TUSC3: variants seen among roughly 807,000 people sequenced by gnomAD.
TUSC3 encodes tumor suppressor candidate 3.
In TUSC3, 45 loss-of-function variants were observed where a neutral mutation model predicts 44.8. The ratio of observed to expected loss-of-function variants is 1.00; its 90% CI spans 0.79 to 1.29. TUSC3 has a LOEUF of 1.29. Ranked by LOEUF, TUSC3 falls within the 50% of genes most tolerant of loss-of-function variation. TUSC3 has a pLI of 0.00. For missense variants in TUSC3, 519 were observed against 437.9 expected (o/e 1.19, Z -1.65); for synonymous variants, 212 against 152.9 (o/e 1.39, Z -2.85).
chr8:15,845,666 G>T, the TUSC3 span, among the ~76,000 whole-genome samples: 1 of 152,110 alleles, frequency 6.6e-6, no homozygotes, highest in African/African-American at 2.4e-5. Flanking sequence ...TATTTGCAGG[G>T]TGGGGGCAGT....
intron 2 of TUSC3, among the ~76,000 whole-genome samples, chr8:15,514,547 G>A (rs1194028780): frequency 6.6e-6 from 1 of 152,096 alleles, no homozygotes; most frequent in East Asian, 1.9e-4. Context: ...ACGGAACTCC[G>A]CTTCTTCACA....
intron 1 of TUSC3, among the ~76,000 whole-genome samples, chr8:15,616,937 G>A (rs1004982846): frequency 2.0e-5 from 3 of 152,270 alleles, no homozygotes; most frequent in East Asian, 3.9e-4. Flanking sequence ...CAGCATGGCC[G>A]AGTGGGCAGA....
chr8:15,457,714 A>T (rs1256499308), intron 1 of TUSC3, among the ~76,000 whole-genome samples: 1 of 148,756 alleles, frequency 6.7e-6, no homozygotes, highest in Non-Finnish European at 1.5e-5. Context: ...TTAGATAAAT[A>T]ATAATCTAAT....
At chr8:15,778,166 A>C in the TUSC3 span, among the ~76,000 whole-genome samples, 1 of 152,062 alleles carries the variant, frequency 6.6e-6, no homozygotes, top group Non-Finnish European at 1.5e-5. Flanking sequence ...TTTCCAACTA[A>C]TTAGGAATTA....
At chr8:15,795,682 A>G in the TUSC3 span, among the ~76,000 whole-genome samples, 1 of 152,224 alleles carries the variant, frequency 6.6e-6, no homozygotes, top group African/African-American at 2.4e-5. Context: ...GAAAGAAGGC[A>G]TTGTTTACAT....
At chr8:15,538,468 G>C (rs1019604685), upstream of TUSC3, among the ~76,000 whole-genome samples, 1 of 152,182 alleles carries the variant, frequency 6.6e-6, no homozygotes, top group African/African-American at 2.4e-5. Flanking sequence ...CTTTAACAAA[G>C]GCATCGTAGC....
intron 2 of TUSC3, among the ~76,000 whole-genome samples, chr8:15,485,504 C>T (rs1258436566): frequency 6.7e-6 from 1 of 148,206 alleles, no homozygotes. Flanking sequence ...TTCTTGTCAC[C>T]CAGGCTGGAG....
At chr8:15,469,019 A>T (rs1047601886) in intron 1 of TUSC3, among the ~76,000 whole-genome samples, 3 of 152,100 alleles carry the variant, frequency 2.0e-5, no homozygotes, top group African/African-American at 7.2e-5. Context: ...ATGCCACACA[A>T]ATTCTCTCAG....
At chr8:15,507,721 G>C (rs1801076383) in intron 2 of TUSC3, among the ~76,000 whole-genome samples, 1 of 151,938 alleles carries the variant, frequency 6.6e-6, no homozygotes, top group South Asian at 2.1e-4. Flanking sequence ...GATAGGTATT[G>C]GAAATTCAAC....
At chr8:15,763,900 T>A (rs2129225639) in intron 10 of TUSC3, among the ~76,000 whole-genome samples, 1 of 152,186 alleles carries the variant, frequency 6.6e-6, no homozygotes, top group Non-Finnish European at 1.5e-5. Flanking sequence ...TACATTACCA[T>A]TTTAAATGCT....
chr8:15,549,451 C>G (rs758897931), intron 1 of TUSC3, among the ~76,000 whole-genome samples: 1 of 151,698 alleles, frequency 6.6e-6, no homozygotes, highest in Admixed American at 6.6e-5. Context: ...GGATTACAGG[C>G]GTGAGCCACC....
the TUSC3 span, among the ~76,000 whole-genome samples, chr8:15,774,478 C>T: frequency 6.6e-6 from 1 of 152,132 alleles, no homozygotes; most frequent in African/African-American, 2.4e-5. Flanking sequence ...CACAGATTGC[C>T]AGCAAACCAA....
chr8:15,567,746 T>A (rs1211553864), intron 1 of TUSC3, among the ~76,000 whole-genome samples: 1 of 152,212 alleles, frequency 6.6e-6, no homozygotes, highest in Non-Finnish European at 1.5e-5. Context: ...GGTTGGAATG[T>A]AACAAATGGT....
chr8:15,682,458 C>T (rs1386145807), intron 6 of TUSC3, among the ~76,000 whole-genome samples: 1 of 151,950 alleles, frequency 6.6e-6, no homozygotes, highest in Non-Finnish European at 1.5e-5. Flanking sequence ...GTTTTAAAGT[C>T]ACTTTTATCT....
intron 5 of TUSC3, among the ~76,000 whole-genome samples, chr8:15,670,617 T>A (rs541500990): frequency 6.6e-6 from 1 of 151,968 alleles, no homozygotes; most frequent in East Asian, 1.9e-4. Flanking sequence ...CCATAATTGG[T>A]GGGTGGGCAA....
chr8:15,512,070 A>T (rs186670935), intron 2 of TUSC3, among the ~76,000 whole-genome samples: 229 of 152,346 alleles, frequency 1.5e-3, no homozygotes, highest in Middle Eastern at 6.8e-3. Flanking sequence ...ACCTTTGAAA[A>T]AGAGGAACAA....
intron 10 of TUSC3, 26 bp downstream of exon 10, chr8:15,757,881 C>G (rs1811998662): frequency 1.4e-6 from 2 of 1,399,334 alleles, no homozygotes; most frequent in Admixed American, 1.7e-5. Flanking sequence ...TTCTCTGAGC[C>G]TCAGTTTTCC....
intron 9 of TUSC3, chr8:15,748,792 T>G (rs1365745746): frequency 1.9e-6 from 1 of 521,060 alleles, no homozygotes; most frequent in African/African-American, 1.9e-5. Flanking sequence ...TTTGCAAGAT[T>G]GTTTTCTCAT....
At chr8:15,778,272 C>G in the TUSC3 span, among the ~76,000 whole-genome samples, 3 of 152,130 alleles carry the variant, frequency 2.0e-5, no homozygotes, top group Non-Finnish European at 2.9e-5. Flanking sequence ...CTAACGTAAT[C>G]TGACTGATGA....
Sources: gnomAD v4.1 joint callset for allele counts (sites outside exome capture counted in the v4.1 genomes callset) on GRCh38, gnomAD v4.1.1 for gene constraint, MANE v1.5 for transcripts, NCBI Gene and HGNC (gene_info 2026-07-23, HGNC 2026-07-21) for gene names.